DDX4: variants seen among roughly 807,000 people sequenced by gnomAD.
The protein encoded by DDX4 is DEAD-box helicase 4.
A neutral mutation model predicts 100.0 loss-of-function variants in DDX4; 25 were observed. The observed-to-expected ratio is 0.25, with a 90% CI of 0.18 to 0.35. The LOEUF is 0.35. Ranked by LOEUF, DDX4 falls within the 10% of genes least tolerant of loss-of-function variation. The pLI, the probability that DDX4 is intolerant of heterozygous loss-of-function variation, is 1.00. For missense variants in DDX4, 635 were observed against 882.4 expected, an observed-to-expected ratio of 0.72 and a Z score of 3.55; for synonymous variants, 259 against 275.7, an observed-to-expected ratio of 0.94 and a Z score of 0.60.
intron 3 of DDX4, among the ~76,000 whole-genome samples, chr5:55,749,767 C>T (rs1019882324): frequency 4.7e-5 from 7 of 149,916 alleles, no homozygotes; most frequent in African/African-American, 1.7e-4. Context: ...GATTTTTTGC[C>T]CTCCCCTTCC....
chr5:55,767,883 T>C lies in DDX4; in HGVS notation c.337T>C (p.Ser113Pro), dbSNP rs1232291233. ...DGDSSGFWRESSNDCEDNPTR... is the reference protein window; with the variant it reads ...DGDSSGFWREPSNDCEDNPTR... ...TACATGTTAAATTTTTATTGAAGAG[T>C]CTAGTAATGACTGCGAAGATAATCC... The change falls in exon 7 of 22, where the codon TCT becomes CCT. Residue 113 changes from serine (S) to proline (P), a missense_variant and splice_region_variant. Ser to Pro is a moderately conservative substitution (Grantham distance 74). Transcript: ENST00000505374. 1 of 1,613,284 alleles carries C rather than the reference T, an allele frequency of 6.2e-7. No individual in the cohort carries two copies. Among genetic ancestry groups the C allele is most frequent in the Non-Finnish European group, 8.5e-7 (1 of 1,179,464 alleles).
intron 17 of DDX4, among the ~76,000 whole-genome samples, 196 bp from the exon 18 acceptor site, chr5:55,798,230 T>G (rs563201821): frequency 6.6e-6 from 1 of 152,236 alleles, no homozygotes; most frequent in Admixed American, 6.5e-5. Flanking sequence ...CTAGTAGTTA[T>G]GTATTTTGCA....
At chr5:55,738,524 A>G (rs1488764079) in intron 1 of DDX4, among the ~76,000 whole-genome samples, 6 of 151,112 alleles carry the variant, frequency 4.0e-5, no homozygotes, top group African/African-American at 1.5e-4. Flanking sequence ...CGCACGCCAC[A>G]AACACCCCAA....
chr5:55,761,164 C>G (rs976085846), intron 4 of DDX4, among the ~76,000 whole-genome samples: 1 of 152,022 alleles, frequency 6.6e-6, no homozygotes, highest in Non-Finnish European at 1.5e-5. Context: ...ATGATTTATT[C>G]AAATATACAC....
intron 3 of DDX4, among the ~76,000 whole-genome samples, chr5:55,756,079 A>G (rs111762096): frequency 3.3e-5 from 5 of 152,278 alleles, no homozygotes; most frequent in African/African-American, 9.6e-5. Context: ...GATATTCCCT[A>G]TGTAAATATA....
intron 2 of DDX4, among the ~76,000 whole-genome samples, chr5:55,744,950 G>A (rs995952903): frequency 2.6e-5 from 4 of 151,834 alleles, no homozygotes; most frequent in African/African-American, 4.8e-5. Flanking sequence ...GCACGATCTC[G>A]GCTCACCACA....
At chr5:55,813,085 A>T (rs886241285) in intron 18 of DDX4, among the ~76,000 whole-genome samples, 1 of 152,138 alleles carries the variant, frequency 6.6e-6, no homozygotes, top group African/African-American at 2.4e-5. Context: ...CTACCGGTTA[A>T]ATATTTTAAG....
At chr5:55,785,092 T>C (rs1370306796) in intron 10 of DDX4, among the ~76,000 whole-genome samples, 2 of 152,208 alleles carry the variant, frequency 1.3e-5, no homozygotes, top group Admixed American at 1.3e-4. Context: ...AGTGTAGTAA[T>C]ATGTAATAGT....
rs1744442150 is a variant in DDX4 at position 55,816,727 on chromosome 5, G to A, written c.*187G>A. 1.1e-6 allele frequency: 1 copy of A among 950,354 alleles called. No homozygotes were observed. Among genetic ancestry groups the A allele is most frequent in the Non-Finnish European group, 1.5e-6 (1 of 677,838 alleles). The allele number at this position is 950,354 out of a possible 1,614,324, so 58.9% of individuals were successfully genotyped here. On this transcript the variant is annotated 3_prime_UTR_variant, in exon 22 of 22. Coordinates refer to ENST00000505374, the MANE Select transcript of DDX4 (RefSeq NM_024415.3). ...AGATGCTAAAACTTACAACATTGCA[G>A]TTACTGATACAAATGGTGTTAACTG...
At chr5:55,744,066 A>G (rs1418996698) in intron 2 of DDX4, among the ~76,000 whole-genome samples, 2 of 152,142 alleles carry the variant, frequency 1.3e-5, no homozygotes, top group Non-Finnish European at 2.9e-5. Flanking sequence ...TTACTGTAGC[A>G]ATTACCAAAA....
intron 7 of DDX4, among the ~76,000 whole-genome samples, chr5:55,774,893 T>C (rs1261868686): frequency 5.9e-5 from 9 of 152,212 alleles, no homozygotes; most frequent in Non-Finnish European, 1.5e-5. Context: ...TGGTAAGATC[T>C]CTATAACATA....
intron 7 of DDX4, among the ~76,000 whole-genome samples, chr5:55,770,177 T>A (rs1450798015): frequency 6.6e-6 from 1 of 151,914 alleles, no homozygotes; most frequent in African/African-American, 2.4e-5. Context: ...TGTTTTACTT[T>A]CTAATGTCAC....
chr5:55,786,376 G>T, intron 13 of DDX4, 142 bp from the exon 14 acceptor site: 1 of 568,460 alleles, frequency 1.8e-6, no homozygotes, highest in Non-Finnish European at 3.1e-6. Flanking sequence ...ATTTACTTCT[G>T]AGTGGAGGCA....
At chr5:55,814,866 A>C in intron 19 of DDX4, 35 bp from the exon 20 acceptor site, 1 of 1,577,456 alleles carries the variant, frequency 6.3e-7, no homozygotes, top group African/African-American at 1.4e-5. Context: ...TGATTTTAAG[A>C]GTGGTTCTAA....
In DDX4 at chr5:55,767,914, G is replaced by C. The variant is rs749870232; in HGVS notation, c.368G>C (p.Arg123Pro). 6.2e-7 allele frequency: 1 copy of C among 1,613,830 alleles called. No homozygotes were observed. Among genetic ancestry groups the C allele is most frequent in the South Asian group, 1.1e-5 (1 of 91,076 alleles). The change falls in exon 7 of 22, where the codon CGG becomes CCG. Residue 123 changes from arginine (R) to proline (P), a missense_variant. Arg to Pro is a moderately radical substitution (Grantham distance 103). Coordinates refer to ENST00000505374, the MANE Select transcript of DDX4 (RefSeq NM_024415.3). ...AATGACTGCGAAGATAATCCAACAC[G>C]GAACAGAGGGTTTTCCAAGAGAGGC... ...SSNDCEDNPT[R>P]NRGFSKRGGY...
chr5:55,810,528 C>CA (rs1452313104), intron 18 of DDX4, among the ~76,000 whole-genome samples: 2 of 152,254 alleles, frequency 1.3e-5, no homozygotes, highest in African/African-American at 2.4e-5. Flanking sequence ...TGTCAGTACT[C>CA]AAAGAGTTTG....
chr5:55,783,090 C>G (rs930249815), intron 10 of DDX4, among the ~76,000 whole-genome samples: 2 of 151,980 alleles, frequency 1.3e-5, no homozygotes, highest in African/African-American at 4.8e-5. Flanking sequence ...CTGCGCCTGA[C>G]CTTAAAGTTT....
At position 55,813,373 on chromosome 5, in the gene DDX4, A is replaced by G. The variant is rs1350716664; in HGVS notation, c.1616-300A>G. The stretch of plus-strand genomic sequence containing the variant: ...GAGGAAAGGACTGAGACAATTTTAT[A>G]TTACTAAGAGTTGGCAGGCAGATAT... On this transcript the variant is annotated intron_variant, in intron 18 of 21. Transcript: ENST00000505374. Among the ~76,000 whole-genome samples the G allele has an allele frequency of 2.0e-5, 3 of 152,166 alleles. No homozygotes were observed. In the East Asian group the frequency reaches 5.8e-4, roughly 29 times the overall value.
intron 3 of DDX4, among the ~76,000 whole-genome samples, chr5:55,758,193 ATTAG>A (rs1444253458): frequency 1.3e-5 from 2 of 152,116 alleles, no homozygotes; most frequent in Non-Finnish European, 2.9e-5. Flanking sequence ...ATCTGGAGAG[ATTAG>A]TTATTTTTTA....
Sources: allele counts gnomAD v4.1 joint callset (sites outside exome capture counted in the v4.1 genomes callset), GRCh38; gene constraint gnomAD v4.1.1; transcripts MANE v1.5; gene names NCBI Gene and HGNC (gene_info 2026-07-23, HGNC 2026-07-21).